NRXN3: variants seen among roughly 807,000 people sequenced by gnomAD.
The protein encoded by NRXN3 is neurexin III.
A neutral mutation model predicts 137.6 loss-of-function variants in NRXN3; 32 were observed. The observed-to-expected ratio is 0.23, with a 90% CI of 0.18 to 0.31. NRXN3 has a LOEUF of 0.31. Ranked by LOEUF, NRXN3 falls within the 10% of genes least tolerant of loss-of-function variation. The probability of loss-of-function intolerance (pLI) is 1.00; values close to 1 mark genes in which losing one functional copy is unlikely to be tolerated. For missense variants in NRXN3, 1,574 were observed against 2,062.5 expected (o/e 0.76, Z 4.59); for synonymous variants, 798 against 784.5 (o/e 1.02, Z -0.29).
intron 4 of NRXN3, among the ~76,000 whole-genome samples, chr14:78,575,671 A>G (rs2096929530): frequency 6.6e-6 from 1 of 152,236 alleles, no homozygotes; most frequent in Non-Finnish European, 1.5e-5. Context: ...TACAAAATAA[A>G]TAAATATACA....
chr14:78,278,694 G>A, intron 3 of NRXN3, 32 bp downstream of exon 3: 1 of 1,528,014 alleles, frequency 6.5e-7, no homozygotes, highest in Non-Finnish European at 8.8e-7. Context: ...GCTGCTGTGG[G>A]AATTTCCCCT....
intron 15 of NRXN3, among the ~76,000 whole-genome samples, chr14:79,008,493 GATTT>G (rs2099560011): frequency 1.3e-5 from 2 of 152,080 alleles, no homozygotes; most frequent in Admixed American, 6.5e-5. Context: ...AAGAGTTATA[GATTT>G]ATTTTTTAAA....
At chr14:79,767,197 G>A (rs2099058833) in intron 19 of NRXN3, among the ~76,000 whole-genome samples, 1 of 152,128 alleles carries the variant, frequency 6.6e-6, no homozygotes, top group South Asian at 2.1e-4. Flanking sequence ...TCTTCACTAG[G>A]TCTGCCTTCT....
chr14:79,611,926 C>T (rs2098108162), intron 16 of NRXN3: 1 of 152,158 alleles, frequency 6.6e-6, no homozygotes, highest in Non-Finnish European at 1.5e-5. Flanking sequence ...ATAAATAGTA[C>T]TGTTGTCATT....
In NRXN3 at chr14:78,173,863, C is replaced by T. The variant is rs141257340; in HGVS notation, c.-704+3189C>T. 9.9e-5 allele frequency among the ~76,000 whole-genome samples: 15 copies of T among 151,852 alleles called. No individual in the cohort carries two copies. In the East Asian group the frequency reaches 2.3e-3, roughly 24 times the overall value. ...CAGTCTCTGTCACATACACAGGCGC[C>T]AAGGGCTTCATTTTGCTTGGTTTCA... On this transcript the variant is annotated intron_variant, in intron 1 of 20. Transcript: ENST00000335750.
chr14:79,545,971 G>A (rs2097315603), intron 16 of NRXN3, among the ~76,000 whole-genome samples: 2 of 152,080 alleles, frequency 1.3e-5, no homozygotes, highest in Non-Finnish European at 2.9e-5. Flanking sequence ...TTCCCAGGGT[G>A]TTCTCCTGAT....
chr14:78,443,239 G>A (rs1251400036), intron 4 of NRXN3, among the ~76,000 whole-genome samples: 1 of 152,240 alleles, frequency 6.6e-6, no homozygotes, highest in Non-Finnish European at 1.5e-5. Context: ...TAGTAGTGGA[G>A]AGGCTGAGAG....
At chr14:78,331,722 G>A (rs926337906) in intron 4 of NRXN3, among the ~76,000 whole-genome samples, 1 of 152,200 alleles carries the variant, frequency 6.6e-6, no homozygotes, top group African/African-American at 2.4e-5. Context: ...TGAGTAGAAG[G>A]CATCTGAAGG....
At chr14:79,762,852 CT>C (rs776307288) in intron 19 of NRXN3, among the ~76,000 whole-genome samples, 1 of 151,536 alleles carries the variant, frequency 6.6e-6, no homozygotes, top group Non-Finnish European at 1.5e-5. Context: ...AAATGAACAT[CT>C]GTTTTTTCTT....
chr14:78,727,691 C>T lies in NRXN3; in HGVS notation c.2044+12552C>T, dbSNP rs569880705. Among the ~76,000 whole-genome samples, 127 of 152,134 alleles carry T rather than the reference C, an allele frequency of 8.3e-4. 2 individuals carry two copies. The highest frequency in any genetic ancestry group is 2.3e-3 in the African/African-American group (95 of 41,494). The stretch of plus-strand genomic sequence containing the variant: ...CAGAGGTTGTGGTGAGCCAAGATCG[C>T]GCCATTGTACTGCAGCCTGGGCAAC... On this transcript the variant is annotated intron_variant, in intron 8 of 20. Transcript: ENST00000335750.
At chr14:78,373,219 CTAAAG>C (rs1393164806) in intron 4 of NRXN3, among the ~76,000 whole-genome samples, 1 of 152,004 alleles carries the variant, frequency 6.6e-6, no homozygotes, top group Non-Finnish European at 1.5e-5. Flanking sequence ...TCTCTGAAGT[CTAAAG>C]TCAGAGGGGA....
chr14:78,567,910 A>G (rs540619714), intron 4 of NRXN3, among the ~76,000 whole-genome samples: 8 of 152,144 alleles, frequency 5.3e-5, no homozygotes, highest in Admixed American at 3.9e-4. Flanking sequence ...GCCCTTTTCC[A>G]CTTTCATCGT....
intron 4 of NRXN3, among the ~76,000 whole-genome samples, chr14:78,303,608 C>T (rs556565060): frequency 6.6e-6 from 1 of 152,116 alleles, no homozygotes; most frequent in East Asian, 1.9e-4. Flanking sequence ...GTGGGCATAC[C>T]CCCTCTGCCC....
intron 10 of NRXN3, among the ~76,000 whole-genome samples, chr14:78,912,494 C>T (rs1220769549): frequency 1.3e-5 from 2 of 151,896 alleles, no homozygotes; most frequent in Admixed American, 6.5e-5. Flanking sequence ...AGCAGACCTA[C>T]AATGAACTGC....
intron 6 of NRXN3, among the ~76,000 whole-genome samples, chr14:78,654,402 A>C (rs1222718155): frequency 6.6e-6 from 1 of 152,176 alleles, no homozygotes; most frequent in Non-Finnish European, 1.5e-5. Context: ...AATTTTCTTC[A>C]AATTAGGGAC....
At chr14:79,261,510 T>A (rs1407010191) in intron 15 of NRXN3, among the ~76,000 whole-genome samples, 3 of 151,790 alleles carry the variant, frequency 2.0e-5, no homozygotes, top group Non-Finnish European at 2.9e-5. Context: ...GACCTGAGGA[T>A]GCTAAGTGCC....
chr14:78,379,279 T>C (rs1315483559), intron 4 of NRXN3, among the ~76,000 whole-genome samples: 1 of 152,190 alleles, frequency 6.6e-6, no homozygotes, highest in African/African-American at 2.4e-5. Context: ...TTAGTATTAC[T>C]CTGATACCCA....
At chr14:79,201,923 A>T (rs1389090491) in intron 15 of NRXN3, among the ~76,000 whole-genome samples, 1 of 152,210 alleles carries the variant, frequency 6.6e-6, no homozygotes, top group Non-Finnish European at 1.5e-5. Context: ...CAGGCGAGGA[A>T]GCACGTGAGA....
chr14:79,594,907 C>T (rs973696631), intron 16 of NRXN3, among the ~76,000 whole-genome samples: 1 of 151,912 alleles, frequency 6.6e-6, no homozygotes, highest in African/African-American at 2.4e-5. Context: ...TCCAAGACAT[C>T]AAGATAATTT....
Sources: gnomAD v4.1 joint callset for allele counts (sites outside exome capture counted in the v4.1 genomes callset) on GRCh38, gnomAD v4.1.1 for gene constraint, MANE v1.5 for transcripts, NCBI Gene and HGNC (gene_info 2026-07-23, HGNC 2026-07-21) for gene names.